Variants in C10orf105 observed in about 807,000 individuals in gnomAD.
The protein encoded by C10orf105 is uncharacterized protein C10orf105.
Under a neutral mutation model 0.6 loss-of-function variants are expected in C10orf105, and 2 were observed. The observed-to-expected ratio is 3.18, with a 90% CI of 1.30 to 10.01. The LOEUF is 10.01. Among genes scored for constraint, C10orf105 ranks in the 30% most tolerant of loss-of-function variants. The probability of loss-of-function intolerance (pLI) is 0.04; values close to 1 mark genes in which losing one functional copy is unlikely to be tolerated. For missense variants in C10orf105, 209 were observed against 191.4 expected, an observed-to-expected ratio of 1.09 and a Z score of -0.54; for synonymous variants, 95 against 82.4, an observed-to-expected ratio of 1.15 and a Z score of -0.83.
At chr10:71,732,859 A>G in intron 1 of C10orf105, 1 of 283,830 alleles carries the variant, frequency 3.5e-6, no homozygotes, top group Admixed American at 5.3e-5. Flanking sequence ...ACCAGCTGGG[A>G]ATCCTATAGT....
intron 1 of C10orf105, chr10:71,732,459 T>C (rs1334750957): frequency 1.3e-6 from 2 of 1,523,008 alleles, no homozygotes; most frequent in Non-Finnish European, 1.8e-6. Context: ...AGCACTCTCC[T>C]CTTTGTCATA....
chr10:71,724,461 T>C (rs1204812406), upstream of C10orf105, among the ~76,000 whole-genome samples: 1 of 152,220 alleles, frequency 6.6e-6, no homozygotes, highest in Admixed American at 6.5e-5. Flanking sequence ...TACAGGCGCA[T>C]GCCTGTAATT....
Position 71,715,749 on chromosome 10 carries a change from G to C in C10orf105, c.*187C>G. 2.0e-6 allele frequency: 1 copy of C among 490,596 alleles called. No homozygotes were observed. The highest frequency in any genetic ancestry group is 3.5e-6 in the Non-Finnish European group (1 of 283,166). The allele number at this position is 490,596 out of a possible 1,614,324, so 30.4% of individuals were successfully genotyped here. ...AGCGAGGGGGTCTGCAGAGAGGAAG[G>C]TGCTCTTCTGAGGATCATCTTTGGG... is the stretch of plus-strand genomic sequence containing the variant. On this transcript the variant is annotated 3_prime_UTR_variant, in exon 2 of 2. Coordinates refer to ENST00000441508, the MANE Select transcript of C10orf105 (RefSeq NM_001164375.3).
intron 1 of C10orf105, among the ~76,000 whole-genome samples, chr10:71,733,889 G>A (rs868786881): frequency 6.6e-6 from 1 of 152,212 alleles, no homozygotes; most frequent in African/African-American, 2.4e-5. Flanking sequence ...ACACAAAGAT[G>A]AACAAGACCC....
At chr10:71,732,292 G>T in intron 1 of C10orf105, 1 of 1,612,526 alleles carries the variant, frequency 6.2e-7, no homozygotes, top group Non-Finnish European at 8.5e-7. Flanking sequence ...CTACTCCATC[G>T]ACAACCTCAA....
At chr10:71,731,579 C>T (rs369308421) in intron 1 of C10orf105, among the ~76,000 whole-genome samples, 1 of 152,134 alleles carries the variant, frequency 6.6e-6, no homozygotes, top group Non-Finnish European at 1.5e-5. Context: ...GCCCTTCTGT[C>T]GAAGGGACCA....
chr10:71,734,172 T>C, intron 1 of C10orf105: 2 of 1,305,690 alleles, frequency 1.5e-6, no homozygotes, highest in Non-Finnish European at 2.2e-6. Flanking sequence ...GGTGGAAAAG[T>C]GGGCAGAATG....
chr10:71,736,425 G>A (rs1334209049), intron 1 of C10orf105, among the ~76,000 whole-genome samples: 3 of 152,296 alleles, frequency 2.0e-5, no homozygotes, highest in African/African-American at 4.8e-5. Context: ...AGCCCTGGCC[G>A]GCCCCAGAAG....
chr10:71,732,151 C>T lies in C10orf105; in HGVS notation c.-6+5577G>A, dbSNP rs121908350. 1 of 1,614,030 alleles carries T rather than the reference C, an allele frequency of 6.2e-7. No individual in the cohort carries two copies. The highest frequency in any genetic ancestry group is 1.1e-5 in the South Asian group (1 of 91,082). ...CACTGACCAGGCCCCGCCCTTCAAC[C>T]AGGGCTTCTGCAGCGTCTACATCAC... On this transcript the variant is annotated intron_variant, in intron 1 of 1. Coordinates refer to the C10orf105 transcript ENST00000398786.
In C10orf105 at chr10:71,734,128, G is replaced by A. The variant is rs565041991; in HGVS notation, c.-6+3600C>T. 21 of 843,956 alleles carry A rather than the reference G, an allele frequency of 2.5e-5. No homozygotes were observed. The South Asian group carries it at 2.9e-4, about 12-fold the overall frequency. 52.3% of individuals were successfully genotyped at this position (843,956 alleles called of 1,614,324 possible). ...GGAATTCAACAGACAGAGTGTCCTG[G>A]GGAAGTTATGCCGGACAGAGGAAGT... is the stretch of plus-strand genomic sequence containing the variant. On this transcript the variant is annotated intron_variant, in intron 1 of 1. Coordinates refer to the C10orf105 transcript ENST00000398786.
chr10:71,734,669 T>A, intron 1 of C10orf105: 1 of 1,423,984 alleles, frequency 7.0e-7, no homozygotes, highest in Non-Finnish European at 9.5e-7. Context: ...GTGAGTAGCC[T>A]GTGGCTGGAG....
Position 71,715,669 on chromosome 10 carries a change from G to A in C10orf105, c.*267C>T. The A allele has an allele frequency of 3.0e-6, 1 of 331,348 alleles. No individual in the cohort carries two copies. Among genetic ancestry groups the A allele is most frequent in the Non-Finnish European group, 5.5e-6 (1 of 181,786 alleles). The allele number at this position is 331,348 out of a possible 1,614,324, so 20.5% of individuals were successfully genotyped here. On this transcript the variant is annotated 3_prime_UTR_variant, in exon 2 of 2. Coordinates refer to ENST00000441508, the MANE Select transcript of C10orf105 (RefSeq NM_001164375.3). ...GTACCCTGTGGAGCCTCAGGCCAAA[G>A]GCCCAGATGACCACGAGTGCACATC...
In C10orf105 at chr10:71,732,584, G is replaced by A. The variant is rs1383789444; in HGVS notation, c.-6+5144C>T. 8 of 1,330,612 alleles carry A rather than the reference G, an allele frequency of 6.0e-6. No individual in the cohort carries two copies. In the South Asian group the frequency reaches 6.2e-5, roughly 10 times the overall value. The allele number at this position is 1,330,612 out of a possible 1,614,324, so 82.4% of individuals were successfully genotyped here. The stretch of plus-strand genomic sequence containing the variant: ...GAGTTTGGAGGCTGCAGTGAGCTGC[G>A]TTTGCACCACTGCACTCCAGCCCGG... On this transcript the variant is annotated intron_variant, in intron 1 of 1. Transcript: ENST00000398786.
upstream of C10orf105, chr10:71,737,829 A>G (rs1485299226): frequency 1.1e-5 from 5 of 466,220 alleles, no homozygotes; most frequent in Non-Finnish European, 2.2e-5. Flanking sequence ...CCCGAGCCAC[A>G]GACACAAAAC....
At position 71,715,596 on chromosome 10, in the gene C10orf105, TGGCGAGCGAGGGTGCTGCTTCTA is replaced by T. The variant is rs1462140758; in HGVS notation, c.*317_*339del. The T allele has an allele frequency of 3.1e-5, 7 of 222,412 alleles. No homozygotes were observed. The highest frequency in any genetic ancestry group is 6.8e-5 in the African/African-American group (3 of 43,930). The allele number at this position is 222,412 out of a possible 1,614,324, so 13.8% of individuals were successfully genotyped here. A position where few individuals can be genotyped will look rare whatever the true frequency, so the allele number is the denominator to read the frequency against. ...TGGCACCTGGAGGGCAAGGCTTCTG[TGGCGAGCGAGGGTGCTGCTTCTA>T]GGAGGTGGTTACGAGCCCCAGGTTG... On this transcript the variant is annotated 3_prime_UTR_variant, in exon 2 of 2. Transcript: ENST00000441508.
Position 71,716,216 on chromosome 10 carries a change from G to T in C10orf105, c.122C>A (p.Ala41Asp). 2.6e-6 allele frequency: 4 copies of T among 1,551,116 alleles called. No individual in the cohort carries two copies. The highest frequency in any genetic ancestry group is 3.5e-6 in the Non-Finnish European group (4 of 1,146,772). ...EATDPLPMLIALACIFLLLAT... is the reference protein window; with the variant it reads ...EATDPLPMLIDLACIFLLLAT... ...CAGCAGGAGGAAGATGCAGGCCAGGGCGATGAGCATGGGGAGGGGGTCAGT... is the reference window on the plus strand; with the variant it reads ...CAGCAGGAGGAAGATGCAGGCCAGGTCGATGAGCATGGGGAGGGGGTCAGT... Residue 41 changes from alanine to aspartate, a missense_variant, in exon 2 of 2, where the codon GCC becomes GAC. Ala to Asp is a moderately radical substitution (Grantham distance 126). Coordinates refer to ENST00000441508, the MANE Select transcript of C10orf105 (RefSeq NM_001164375.3).
intron 1 of C10orf105, among the ~76,000 whole-genome samples, chr10:71,730,181 G>T (rs577801959): frequency 6.6e-6 from 1 of 152,092 alleles, no homozygotes; most frequent in African/African-American, 2.4e-5. Flanking sequence ...GGAAACTGGG[G>T]GCCCCAAAGA....
intron 1 of C10orf105, chr10:71,732,593 A>G: frequency 1.5e-6 from 2 of 1,357,914 alleles, no homozygotes; most frequent in Non-Finnish European, 9.7e-7. Context: ...CGTTTGCACC[A>G]CTGCACTCCA....
At chr10:71,719,057 G>A (rs770484132) in intron 1 of C10orf105, among the ~76,000 whole-genome samples, 5 of 151,778 alleles carry the variant, frequency 3.3e-5, no homozygotes, top group Admixed American at 6.6e-5. Flanking sequence ...CAGCCTGAGC[G>A]ACAGAGCAAC....
Sources: allele counts gnomAD v4.1 joint callset (sites outside exome capture counted in the v4.1 genomes callset), GRCh38; gene constraint gnomAD v4.1.1; transcripts MANE v1.5; gene names NCBI Gene and HGNC (gene_info 2026-07-23, HGNC 2026-07-21).